ZFPM1: variants seen among roughly 807,000 people sequenced by gnomAD.
ZFPM1 encodes the protein zinc finger protein, FOG family member 1.
In ZFPM1, 28 loss-of-function variants were observed where a neutral mutation model predicts 46.3. The observed-to-expected ratio is 0.60, with a 90% CI of 0.45 to 0.83. The LOEUF is 0.83. Ranked by LOEUF, ZFPM1 falls within the 40% of genes least tolerant of loss-of-function variation. The pLI is 0.00. For synonymous variants in ZFPM1, 957 were observed against 675.9 expected (o/e 1.42, Z -6.45); for missense variants, 1,878 against 1,432.4 (o/e 1.31, Z -5.02).
chr16:88,461,688 G>T (rs1907898738), intron 1 of ZFPM1, among the ~76,000 whole-genome samples: 1 of 152,172 alleles, frequency 6.6e-6, no homozygotes, highest in Non-Finnish European at 1.5e-5. Flanking sequence ...ACGTTAAGCA[G>T]AGTCCCGCTG....
At chr16:88,528,003 C>A (rs749007924) in intron 5 of ZFPM1, 29 bp from the exon 6 acceptor site, 47 of 1,514,328 alleles carry the variant, frequency 3.1e-5, no homozygotes, top group Admixed American at 4.0e-5. Context: ...GGCACAAAGT[C>A]CTAGGTTTGG....
At chr16:88,507,271 A>G (rs1910715095) in intron 3 of ZFPM1, among the ~76,000 whole-genome samples, 1 of 152,064 alleles carries the variant, frequency 6.6e-6, no homozygotes, top group Non-Finnish European at 1.5e-5. Flanking sequence ...AACGGTCCCC[A>G]TCATCCCCCG....
chr16:88,494,377 G>A (rs1328349735), intron 3 of ZFPM1, among the ~76,000 whole-genome samples: 3 of 152,132 alleles, frequency 2.0e-5, no homozygotes, highest in Non-Finnish European at 4.4e-5. Flanking sequence ...AGGCTTCCAG[G>A]TGGAAGCCGG....
chr16:88,532,478 G>T, intron 7 of ZFPM1, 136 bp from the exon 8 acceptor site: 1 of 944,192 alleles, frequency 1.1e-6, no homozygotes, highest in Non-Finnish European at 1.6e-6. Context: ...GGAGGAGGAG[G>T]AGGAGGGGTT....
chr16:88,532,020 A>T lies in ZFPM1; in HGVS notation c.731A>T (p.Lys244Met). The change falls in exon 7 of 10, where the codon AAG becomes ATG. Residue 244 changes from lysine to methionine, a missense_variant. Transcript: ENST00000319555. ...CCCACAGAAGACGTCTTCCCCTGCA[A>T]GGACTGTGGCATCTGGTACCGCAGC... is the stretch of plus-strand genomic sequence containing the variant. ...AVINKDVFPC[K>M]DCGIWYRSER... 1 of 1,606,996 alleles carries T rather than the reference A, an allele frequency of 6.2e-7. No individual in the cohort carries two copies. The highest frequency in any genetic ancestry group is 8.5e-7 in the Non-Finnish European group (1 of 1,175,662).
intron 1 of ZFPM1, among the ~76,000 whole-genome samples, chr16:88,482,845 T>A (rs1909012753): frequency 6.6e-6 from 1 of 152,200 alleles, no homozygotes; most frequent in Admixed American, 6.5e-5. Flanking sequence ...GAGCTGATCG[T>A]TCCGCGTGCT....
At chr16:88,453,770 C>A in intron 1 of ZFPM1, 92 bp downstream of exon 1, 1 of 793,068 alleles carries the variant, frequency 1.3e-6, no homozygotes, top group Non-Finnish European at 1.6e-6. Context: ...CCCGCTCTGC[C>A]CTGGGCGCCG....
At chr16:88,455,587 G>T (rs1393503880) in intron 1 of ZFPM1, among the ~76,000 whole-genome samples, 1 of 142,454 alleles carries the variant, frequency 7.0e-6, no homozygotes, top group African/African-American at 2.5e-5. Context: ...GCCGGGCCGC[G>T]AGTGCAGAGC....
At chr16:88,532,468 G>A (rs1343104980) in intron 7 of ZFPM1, 146 bp from the exon 8 acceptor site, 2 of 796,468 alleles carry the variant, frequency 2.5e-6, no homozygotes, top group Middle Eastern at 2.8e-4. Flanking sequence ...GACAAAAGGC[G>A]GAGGAGGAGG....
intron 1 of ZFPM1, among the ~76,000 whole-genome samples, chr16:88,473,505 C>T (rs1268177472): frequency 6.6e-6 from 1 of 152,186 alleles, no homozygotes; most frequent in African/African-American, 2.4e-5. Context: ...CCATGACGGC[C>T]CCGCTGCCCC....
rs746933401 is a variant in ZFPM1 at position 88,513,916 on chromosome 16, AG to A, written c.269-468del. Among the ~76,000 whole-genome samples the A allele has an allele frequency of 1.6e-3, 239 of 152,258 alleles. 1 individual carries two copies. The highest frequency in any genetic ancestry group is 1.9e-3 in the Non-Finnish European group (128 of 68,010). ...TAGAAAGATACTTGTCATTGGTTTT[AG>A]GGCCCACCTGATAATCCCATTGATC... On this transcript the variant is annotated intron_variant, in intron 3 of 9. Transcript: ENST00000319555.
rs528208074 is a variant in ZFPM1, at chr16:88,471,101, G to A, written c.41-14838G>A. Among the ~76,000 whole-genome samples, 5 of 152,162 alleles carry A rather than the reference G, an allele frequency of 3.3e-5. No individual in the cohort carries two copies. Among genetic ancestry groups the A allele is most frequent in the Admixed American group, 1.3e-4 (2 of 15,298 alleles). On this transcript the variant is annotated intron_variant, in intron 1 of 9. Coordinates refer to ENST00000319555, the MANE Select transcript of ZFPM1 (RefSeq NM_153813.3). The surrounding 1 kb of genome is among the most constrained non-coding windows in gnomAD (Gnocchi z 4.1). ...CCCAGAGGCTGCCTTCTGAAGGAGC[G>A]AGGGGGCCGGGAGGAGGAAAGCCCA... is the stretch of plus-strand genomic sequence containing the variant.
At chr16:88,500,121 G>A (rs977555110) in intron 3 of ZFPM1, among the ~76,000 whole-genome samples, 13 of 151,832 alleles carry the variant, frequency 8.6e-5, no homozygotes, top group Non-Finnish European at 1.8e-4. Context: ...CCGGCTTCCT[G>A]CCCCGGCCAT....
At chr16:88,532,369 AG>A in intron 7 of ZFPM1, 134 bp downstream of exon 7, 1 of 1,012,734 alleles carries the variant, frequency 9.9e-7, no homozygotes, top group Non-Finnish European at 1.4e-6. Context: ...CGGCACACCC[AG>A]GGCCCCCGCA....
At chr16:88,477,893 G>A (rs1202788483) in intron 1 of ZFPM1, among the ~76,000 whole-genome samples, 1 of 152,210 alleles carries the variant, frequency 6.6e-6, no homozygotes, top group Non-Finnish European at 1.5e-5. Flanking sequence ...TTGGCCTGGA[G>A]GGCGTGTTGG....
chr16:88,531,958 C>T (rs1360959473), intron 6 of ZFPM1, 44 bp from the exon 7 acceptor site: 5 of 1,536,392 alleles, frequency 3.3e-6, no homozygotes, highest in Non-Finnish European at 4.4e-6. Context: ...CCCTGGCTGG[C>T]AGGCTGGCCT....
intron 3 of ZFPM1, chr16:88,513,028 C>T (rs550274133): frequency 3.3e-5 from 5 of 152,398 alleles, no homozygotes; most frequent in East Asian, 3.9e-4. Flanking sequence ...CATAGGGCCG[C>T]GGGGTGCTAG....
rs1036016744 is a variant in ZFPM1, at chr16:88,469,340, G to A, written c.40+15662G>A. On this transcript the variant is annotated intron_variant, in intron 1 of 9. Coordinates refer to ENST00000319555, the MANE Select transcript of ZFPM1 (RefSeq NM_153813.3). The surrounding 1 kb of genome is among the most constrained non-coding windows in gnomAD (Gnocchi z 4.3). The stretch of plus-strand genomic sequence containing the variant: ...TCCCCATCTGTAAAACCGGAAGGCG[G>A]TCTAGTAGGTCTGCCTCCCAGGATG... Among the ~76,000 whole-genome samples the A allele has an allele frequency of 6.6e-6, 1 of 152,218 alleles. No individual in the cohort carries two copies. The highest frequency in any genetic ancestry group is 2.4e-5 in the African/African-American group (1 of 41,450).
chr16:88,498,489 T>A (rs2142394915), intron 3 of ZFPM1, among the ~76,000 whole-genome samples: 1 of 152,314 alleles, frequency 6.6e-6, no homozygotes, highest in South Asian at 2.1e-4. Flanking sequence ...AGCGTGTGTA[T>A]GAGGGACGTG....
Sources: gnomAD v4.1 joint callset for allele counts (sites outside exome capture counted in the v4.1 genomes callset) on GRCh38, gnomAD v4.1.1 for gene constraint, Gnocchi (gnomAD v3.1) non-coding constraint, MANE v1.5 for transcripts, NCBI Gene and HGNC (gene_info 2026-07-23, HGNC 2026-07-21) for gene names.